FMN1: variants seen among roughly 807,000 people sequenced by gnomAD.
FMN1 encodes the protein formin-1.
In FMN1, 110 loss-of-function variants were observed where a neutral mutation model predicts 132.4. That is an observed-to-expected ratio of 0.83 (90% confidence interval 0.71 to 0.97). FMN1 has a LOEUF of 0.97. Among genes scored for constraint, FMN1 ranks in the 50% least tolerant of loss-of-function variants. FMN1 has a pLI of 0.00. For missense variants in FMN1, 1,792 were observed against 1,705.3 expected (o/e 1.05, Z -0.90); for synonymous variants, 722 against 651.7 (o/e 1.11, Z -1.64).
chr15:33,051,481 G>C (rs345749), intron 6 of FMN1, among the ~76,000 whole-genome samples: 1 of 144,098 alleles, frequency 6.9e-6, no homozygotes. Flanking sequence ...CAGGTGATAG[G>C]TGGTTGTGAC....
intron 15 of FMN1, among the ~76,000 whole-genome samples, chr15:32,889,046 G>T (rs750395242): frequency 2.9e-4 from 44 of 151,900 alleles, no homozygotes; most frequent in Non-Finnish European, 4.7e-4. Context: ...TAGAGACGGG[G>T]GTCTCACCAT....
chr15:32,774,392 C>CA (rs1567145077), intron 20 of FMN1, 38 bp from the exon 21 acceptor site: 14 of 1,516,796 alleles, frequency 9.2e-6, no homozygotes, highest in Non-Finnish European at 1.2e-5. Context: ...CATTTTCTTT[C>CA]ATCTTTCTCA....
chr15:32,901,365 T>C (rs1013694956), intron 13 of FMN1, among the ~76,000 whole-genome samples: 2 of 152,210 alleles, frequency 1.3e-5, no homozygotes, highest in African/African-American at 4.8e-5. Context: ...AAGAATAACG[T>C]GTCCTTAAGA....
At chr15:33,077,346 T>TA (rs2038252338) in intron 5 of FMN1, among the ~76,000 whole-genome samples, 1 of 120,150 alleles carries the variant, frequency 8.3e-6, no homozygotes, top group African/African-American at 2.9e-5. Context: ...ATCCTTTTTT[T>TA]TTTTTTTAAT....
chr15:33,015,447 T>C (rs2034985597), intron 6 of FMN1, among the ~76,000 whole-genome samples: 2 of 152,206 alleles, frequency 1.3e-5, no homozygotes, highest in Admixed American at 1.3e-4. Flanking sequence ...CTGTAGTTAC[T>C]AGTTTCTGGT....
At chr15:33,028,041 A>T (rs2035761961) in intron 6 of FMN1, among the ~76,000 whole-genome samples, 2 of 152,230 alleles carry the variant, frequency 1.3e-5, no homozygotes, top group African/African-American at 4.8e-5. Flanking sequence ...CAGCCTATTT[A>T]ATCCCTACCC....
chr15:33,050,188 C>A (rs191005737), intron 6 of FMN1, among the ~76,000 whole-genome samples: 2 of 152,150 alleles, frequency 1.3e-5, no homozygotes, highest in Non-Finnish European at 2.9e-5. Context: ...TTTTGACTTA[C>A]AATATTCTCA....
At chr15:32,933,702 A>C (rs2061181974) in intron 9 of FMN1, among the ~76,000 whole-genome samples, 1 of 152,124 alleles carries the variant, frequency 6.6e-6, no homozygotes. Context: ...TTTTATCATT[A>C]AATAGTGTCC....
chr15:32,797,976 G>A (rs938714862), intron 19 of FMN1, among the ~76,000 whole-genome samples: 10 of 152,044 alleles, frequency 6.6e-5, no homozygotes, highest in African/African-American at 1.2e-4. Context: ...TTTTCCTTAC[G>A]CTGAGGAATT....
At chr15:32,839,014 C>T (rs566306462) in intron 17 of FMN1, among the ~76,000 whole-genome samples, 1 of 152,208 alleles carries the variant, frequency 6.6e-6, no homozygotes, top group African/African-American at 2.4e-5. Context: ...TTACACAGCC[C>T]AGAGATGGTG....
At chr15:33,116,085 G>A (rs1322012714) in intron 4 of FMN1, among the ~76,000 whole-genome samples, 1 of 152,122 alleles carries the variant, frequency 6.6e-6, no homozygotes, top group African/African-American at 2.4e-5. Context: ...ACTATAAAAA[G>A]ACATTCCTGA....
At position 32,830,542 on chromosome 15, in the gene FMN1, A is replaced by T. The variant is rs550185050; in HGVS notation, c.3929-26210T>A. On this transcript the variant is annotated intron_variant, in intron 17 of 20. Transcript: ENST00000616417. ...CTTTAAATTCTTTCCTTTTTTGGAC[A>T]GCTTCAACCTGTATTTCACTGAGTA... 2.6e-5 allele frequency among the ~76,000 whole-genome samples: 4 copies of T among 152,306 alleles called. 1 individual carries two copies. The highest frequency in any genetic ancestry group is 9.6e-5 in the African/African-American group (4 of 41,574).
intron 4 of FMN1, among the ~76,000 whole-genome samples, chr15:33,147,757 CA>C (rs1964284124): frequency 6.6e-6 from 1 of 152,146 alleles, no homozygotes; most frequent in South Asian, 2.1e-4. Flanking sequence ...CCTTAAAATA[CA>C]AATTGTTCAT....
chr15:33,124,169 T>C (rs1276372314), intron 4 of FMN1, among the ~76,000 whole-genome samples: 2 of 152,118 alleles, frequency 1.3e-5, no homozygotes, highest in Non-Finnish European at 2.9e-5. Flanking sequence ...ATCCTAACCA[T>C]GCAGAGTGCA....
intron 17 of FMN1, among the ~76,000 whole-genome samples, chr15:32,814,271 T>C (rs961130398): frequency 6.6e-6 from 1 of 152,258 alleles, no homozygotes; most frequent in Non-Finnish European, 1.5e-5. Context: ...TTTTCACAGA[T>C]ATTTCTAAAC....
At chr15:32,828,152 T>C (rs1297167216) in intron 17 of FMN1, among the ~76,000 whole-genome samples, 1 of 152,052 alleles carries the variant, frequency 6.6e-6, no homozygotes, top group Non-Finnish European at 1.5e-5. Context: ...CAGGTACCTG[T>C]AATCCCAGCT....
chr15:33,190,194 C>CA (rs1403735653), intron 2 of FMN1, among the ~76,000 whole-genome samples: 1 of 152,010 alleles, frequency 6.6e-6, no homozygotes, highest in Non-Finnish European at 1.5e-5. Context: ...TAGCAAAGAG[C>CA]AAAAAACCTG....
intron 4 of FMN1, among the ~76,000 whole-genome samples, chr15:33,117,363 GAAA>G (rs34347224): frequency 0.036 from 5,439 of 152,178 alleles, 152 homozygotes; most frequent in Middle Eastern, 0.054. Context: ...TGAAAGCATC[GAAA>G]CCATAGCTGC....
At chr15:32,983,296 G>A (rs183949751) in intron 7 of FMN1, among the ~76,000 whole-genome samples, 155 of 152,276 alleles carry the variant, frequency 1.0e-3, no homozygotes, top group Non-Finnish European at 6.5e-4. Flanking sequence ...TGGATATGAC[G>A]TTCTGGTAAA....
Sources: gnomAD v4.1 joint callset for allele counts (sites outside exome capture counted in the v4.1 genomes callset) on GRCh38, gnomAD v4.1.1 for gene constraint, MANE v1.5 for transcripts, NCBI Gene and HGNC (gene_info 2026-07-23, HGNC 2026-07-21) for gene names.